Variants in DGKH observed in about 807,000 individuals in gnomAD.
The protein encoded by DGKH is diacylglycerol kinase eta, also known as DAG kinase eta.
DGKH carries 90 observed loss-of-function variants against 159.3 expected under a neutral mutation model. The observed-to-expected ratio is 0.57, with a 90% CI of 0.48 to 0.67. The LOEUF is 0.67. Among genes scored for constraint, DGKH ranks in the 30% least tolerant of loss-of-function variants. The pLI is 0.00. For synonymous variants in DGKH, 536 were observed against 553.8 expected (o/e 0.97, Z 0.45); for missense variants, 1,181 against 1,506.1 (o/e 0.78, Z 3.57).
intron 24 of DGKH, among the ~76,000 whole-genome samples, chr13:42,213,182 A>T (rs1259063759): frequency 1.3e-5 from 2 of 152,304 alleles, no homozygotes; most frequent in Admixed American, 1.3e-4. Flanking sequence ...TTGTCCCTAT[A>T]AAAAATGATA....
intron 3 of DGKH, among the ~76,000 whole-genome samples, chr13:42,148,944 C>CTTT (rs11287579): frequency 2.5e-4 from 20 of 80,070 alleles, no homozygotes; most frequent in African/African-American, 3.7e-4. Flanking sequence ...CCCGCCCCTT[C>CTTT]TTTTTTTTTT....
chr13:42,045,229 C>A (rs1307109044), upstream of DGKH, among the ~76,000 whole-genome samples: 1 of 152,082 alleles, frequency 6.6e-6, no homozygotes, highest in Non-Finnish European at 1.5e-5. Context: ...GCCAGAGGAG[C>A]CTTTGAGCCC....
intron 1 of DGKH, chr13:42,068,887 A>G (rs1882770705): frequency 1.0e-6 from 1 of 992,996 alleles, no homozygotes; most frequent in Non-Finnish European, 1.4e-6. Flanking sequence ...AAAAAAGACA[A>G]AATACATTTC....
intron 29 of DGKH, among the ~76,000 whole-genome samples, chr13:42,248,259 C>G (rs899189090): frequency 6.6e-6 from 1 of 151,702 alleles, no homozygotes; most frequent in Non-Finnish European, 1.5e-5. Context: ...CTGTGTCTAC[C>G]AAAAACATAA....
chr13:42,127,319 G>T, intron 1 of DGKH, 144 bp from the exon 2 acceptor site: 1 of 651,884 alleles, frequency 1.5e-6, no homozygotes, highest in Non-Finnish European at 2.6e-6. Context: ...GCAAAGCTGT[G>T]GTGAGAGTAA....
chr13:42,122,777 A>G lies in DGKH; in HGVS notation c.193-4686A>G, dbSNP rs530412349. ...TTAGCGTATCTTGTCATTGCATATG[A>G]TGTGTGCACATATTTTGAAACATGG... On this transcript the variant is annotated intron_variant, in intron 1 of 29. Coordinates refer to ENST00000337343, the MANE Select transcript of DGKH (RefSeq NM_178009.5). 3.9e-5 allele frequency among the ~76,000 whole-genome samples: 6 copies of G among 152,330 alleles called. No homozygotes were observed. The South Asian group carries it at 1.2e-3, about 32-fold the overall frequency.
At chr13:42,192,118 A>ACTG (rs986728592) in intron 16 of DGKH, among the ~76,000 whole-genome samples, 12 of 152,026 alleles carry the variant, frequency 7.9e-5, no homozygotes, top group Non-Finnish European at 1.3e-4. Flanking sequence ...TATTGCTACT[A>ACTG]CTGCTGCTGC....
rs562422982 is a variant in DGKH at position 42,211,147 on chromosome 13, A to C, written c.3014+382A>C. ...TCCAATAGACAAAAAGAAAAGAGAT[A>C]AAAAGCAAGCCTATGAGTGTTAAAC... On this transcript the variant is annotated intron_variant, in intron 24 of 29. Transcript: ENST00000337343. Among the ~76,000 whole-genome samples, 14 of 152,310 alleles carry C rather than the reference A, an allele frequency of 9.2e-5. No individual in the cohort carries two copies. In the South Asian group the frequency reaches 2.5e-3, roughly 27 times the overall value.
At chr13:42,148,798 C>G (rs2137921006) in intron 3 of DGKH, among the ~76,000 whole-genome samples, 1 of 152,220 alleles carries the variant, frequency 6.6e-6, no homozygotes, top group Admixed American at 6.5e-5. Context: ...CCAGCCCCTG[C>G]CTGATCTCTC....
chr13:42,243,695 A>C (rs867461447), downstream of DGKH, among the ~76,000 whole-genome samples: 16 of 152,276 alleles, frequency 1.1e-4, no homozygotes, highest in Middle Eastern at 6.8e-3. Flanking sequence ...AGCCAGGTGA[A>C]GTATGTGTGT....
chr13:42,171,327 G>A (rs970947501), intron 11 of DGKH, among the ~76,000 whole-genome samples: 1 of 151,896 alleles, frequency 6.6e-6, no homozygotes, highest in African/African-American at 2.4e-5. Flanking sequence ...CTAGTGTCCA[G>A]GGTCCTTTCT....
At chr13:42,163,183 G>A (rs1180502981) in intron 7 of DGKH, among the ~76,000 whole-genome samples, 1 of 151,464 alleles carries the variant, frequency 6.6e-6, no homozygotes, top group Non-Finnish European at 1.5e-5. Context: ...CCCTACAAAG[G>A]ACATGAACTC....
intron 3 of DGKH, among the ~76,000 whole-genome samples, chr13:42,144,051 G>A (rs1247840680): frequency 6.6e-6 from 1 of 152,138 alleles, no homozygotes; most frequent in Non-Finnish European, 1.5e-5. Flanking sequence ...ATTAGCAAAA[G>A]AGAGTCTGAT....
At chr13:42,159,434 T>A in intron 6 of DGKH, 62 bp downstream of exon 6, 3 of 1,174,736 alleles carry the variant, frequency 2.6e-6, no homozygotes, top group East Asian at 2.4e-5. Flanking sequence ...TCTGCTCTTG[T>A]GGAAGCTGAG....
chr13:42,150,103 CAT>C (rs1230970299), intron 3 of DGKH, among the ~76,000 whole-genome samples: 1 of 152,084 alleles, frequency 6.6e-6, no homozygotes, highest in Non-Finnish European at 1.5e-5. Flanking sequence ...AGTAATAAGA[CAT>C]AGCTATGTAT....
chr13:42,047,953 G>C (rs1321505972), upstream of DGKH, among the ~76,000 whole-genome samples: 1 of 151,526 alleles, frequency 6.6e-6, no homozygotes, highest in African/African-American at 2.4e-5. Flanking sequence ...CGCTCTTTCT[G>C]AACGAAAAGT....
At chr13:42,102,889 C>T (rs765193507) in intron 1 of DGKH, among the ~76,000 whole-genome samples, 6 of 152,188 alleles carry the variant, frequency 3.9e-5, no homozygotes, top group African/African-American at 1.2e-4. Context: ...TTGCTGCTTG[C>T]ACTCTGTAGG....
chr13:42,239,220 C>T lies in DGKH; in HGVS notation c.*10032C>T, dbSNP rs141540068. 1.4e-4 allele frequency: 21 copies of T among 151,978 alleles called. No homozygotes were observed. Among genetic ancestry groups the T allele is most frequent in the South Asian group, 4.2e-4 (2 of 4,810 alleles). 9.4% of individuals were successfully genotyped at this position (151,978 alleles called of 1,614,324 possible). A position where few individuals can be genotyped will look rare whatever the true frequency, so the allele number is the denominator to read the frequency against. ...ATGCTCTGTTTACAGATTATAATTGCGCAGCATTTTAAAAAAATATACATA... is the reference window on the plus strand; with the variant it reads ...ATGCTCTGTTTACAGATTATAATTGTGCAGCATTTTAAAAAAATATACATA... On this transcript the variant is annotated 3_prime_UTR_variant, in exon 30 of 30. Coordinates refer to ENST00000337343, the MANE Select transcript of DGKH (RefSeq NM_178009.5).
At chr13:42,209,992 G>A (rs1045660503) in intron 23 of DGKH, among the ~76,000 whole-genome samples, 1 of 87,336 alleles carries the variant, frequency 1.1e-5, no homozygotes, top group African/African-American at 3.9e-5. Context: ...GGCAATCATT[G>A]ATTTTTTTTT....
Sources: allele counts gnomAD v4.1 joint callset (sites outside exome capture counted in the v4.1 genomes callset), GRCh38; gene constraint gnomAD v4.1.1; transcripts MANE v1.5; gene names NCBI Gene and HGNC (gene_info 2026-07-23, HGNC 2026-07-21).